Variants in BLVRA observed in about 807,000 individuals in gnomAD.
BLVRA encodes biliverdin reductase A.
Under a neutral mutation model 32.8 loss-of-function variants are expected in BLVRA, and 22 were observed. The ratio of observed to expected loss-of-function variants is 0.67; its 90% confidence interval spans 0.48 to 0.96. BLVRA has a LOEUF of 0.96. BLVRA is among the 40% of genes least tolerant of loss of function. The pLI, the probability that BLVRA is intolerant of heterozygous loss-of-function variation, is 0.00. For synonymous variants in BLVRA, 119 were observed against 141.3 expected (o/e 0.84, Z 1.12); for missense variants, 323 against 358.1 (o/e 0.90, Z 0.79).
intron 1 of BLVRA, among the ~76,000 whole-genome samples, chr7:43,762,116 G>A (rs138320020): frequency 1.7e-4 from 26 of 152,122 alleles, no homozygotes; most frequent in African/African-American, 6.0e-4. Flanking sequence ...GAGGGCGTTT[G>A]AGGAGGAACA....
At chr7:43,803,978 G>C (rs1183722054) in intron 7 of BLVRA, 131 bp downstream of exon 7, 1 of 1,052,300 alleles carries the variant, frequency 9.5e-7, no homozygotes, top group African/African-American at 1.6e-5. Context: ...TGCTTCTGCA[G>C]ATGGAGTGCT....
intron 5 of BLVRA, among the ~76,000 whole-genome samples, chr7:43,797,419 G>A (rs1349629306): frequency 2.0e-5 from 3 of 152,322 alleles, no homozygotes; most frequent in South Asian, 4.1e-4. Context: ...AGGTACGTAC[G>A]TTGTTTTCCT....
At chr7:43,780,882 C>T (rs367658647) in intron 2 of BLVRA, among the ~76,000 whole-genome samples, 1 of 152,272 alleles carries the variant, frequency 6.6e-6, no homozygotes, top group Non-Finnish European at 1.5e-5. Context: ...CGCCGTGGCG[C>T]ATGCCTGTAA....
chr7:43,787,085 G>C lies in BLVRA; in HGVS notation c.13-819G>C, dbSNP rs966460515. Among the ~76,000 whole-genome samples the C allele has an allele frequency of 2.6e-5, 4 of 152,158 alleles. No individual in the cohort carries two copies. Among genetic ancestry groups the C allele is most frequent in the African/African-American group, 4.8e-5 (2 of 41,428 alleles). ...TTACAGGCGCCTGCCAACAGGCCCAGCTAATTTTTGTATTTTTAGTAGAGA... is the reference window on the plus strand; with the variant it reads ...TTACAGGCGCCTGCCAACAGGCCCACCTAATTTTTGTATTTTTAGTAGAGA... On this transcript the variant is annotated intron_variant, in intron 2 of 7. Transcript: ENST00000265523. This position sits in a 1 kb window ranked among gnomAD's most constrained non-coding sequence, Gnocchi z 4.5.
chr7:43,796,121 CA>C (rs371922009), intron 5 of BLVRA, among the ~76,000 whole-genome samples: 2,416 of 66,718 alleles, frequency 0.036, 17 homozygotes, highest in Non-Finnish European at 0.047. Context: ...CTCTGTCTCA[CA>C]AAAAAAAAAA....
At chr7:43,762,864 G>A (rs979154923) in intron 1 of BLVRA, among the ~76,000 whole-genome samples, 1 of 151,938 alleles carries the variant, frequency 6.6e-6, no homozygotes. Context: ...CCCCATGCCC[G>A]CCTCGGCCTC....
intron 1 of BLVRA, among the ~76,000 whole-genome samples, chr7:43,761,995 C>T (rs2095742815): frequency 6.6e-6 from 1 of 152,104 alleles, no homozygotes; most frequent in South Asian, 2.1e-4. Context: ...TACCTTTACC[C>T]TTAGACCTCT....
chr7:43,783,378 T>C (rs1341535468), intron 2 of BLVRA, among the ~76,000 whole-genome samples: 1 of 152,154 alleles, frequency 6.6e-6, no homozygotes, highest in Non-Finnish European at 1.5e-5. Flanking sequence ...CTCCTGTTAC[T>C]ACACAGACTG....
At chr7:43,768,683 A>G (rs1011804492) in intron 1 of BLVRA, among the ~76,000 whole-genome samples, 1 of 152,080 alleles carries the variant, frequency 6.6e-6, no homozygotes, top group South Asian at 2.1e-4. Flanking sequence ...TTATCTGACT[A>G]TCACTCACGT....
chr7:43,797,881 T>G (rs943778677), intron 5 of BLVRA, among the ~76,000 whole-genome samples: 20 of 152,100 alleles, frequency 1.3e-4, no homozygotes, highest in African/African-American at 4.8e-4. Context: ...ATTTGGGGTA[T>G]GCATCTTTCA....
In BLVRA at chr7:43,791,313, G is replaced by T; in HGVS notation, c.199G>T (p.Glu67Ter). The change falls in exon 4 of 8, where the codon GAG becomes TAG. Residue 67 changes from glutamate to a stop codon, truncating the protein, a stop_gained. Transcript: ENST00000265523. LOFTEE classifies it high-confidence loss of function. ...ISLEDALSSQEVEVAYICSES... is the reference protein window; with the variant it reads ...ISLEDALSSQ ...TTTGGAGGATGCTCTTTCCAGCCAA[G>T]AGGTGGAGGTCGCCTATATCTGCAG... 1.9e-6 allele frequency: 3 copies of T among 1,614,240 alleles called. No homozygotes were observed. The highest frequency in any genetic ancestry group is 2.5e-6 in the Non-Finnish European group (3 of 1,180,036).
intron 3 of BLVRA, among the ~76,000 whole-genome samples, chr7:43,788,496 TCA>T (rs1695106879): frequency 6.6e-6 from 1 of 152,172 alleles, no homozygotes; most frequent in Non-Finnish European, 1.5e-5. Flanking sequence ...CTGCCTGAGG[TCA>T]CACAGCTGGA....
At chr7:43,765,044 C>A (rs2095746292) in intron 1 of BLVRA, among the ~76,000 whole-genome samples, 1 of 152,134 alleles carries the variant, frequency 6.6e-6, no homozygotes, top group South Asian at 2.1e-4. Context: ...GGAGTCAAAG[C>A]AAATAAAGGC....
chr7:43,798,978 G>A (rs548767409), intron 5 of BLVRA, among the ~76,000 whole-genome samples: 21 of 152,198 alleles, frequency 1.4e-4, no homozygotes, highest in Admixed American at 1.1e-3. Context: ...AGAGTTTCAC[G>A]GTGGGGTGGG....
At chr7:43,802,757 T>G (rs929946469) in intron 6 of BLVRA, among the ~76,000 whole-genome samples, 1 of 152,150 alleles carries the variant, frequency 6.6e-6, no homozygotes, top group Non-Finnish European at 1.5e-5. Flanking sequence ...AGCCTTGGCC[T>G]CCCGAAGTGC....
chr7:43,766,293 A>G (rs1321188184), intron 1 of BLVRA, among the ~76,000 whole-genome samples: 6 of 151,254 alleles, frequency 4.0e-5, no homozygotes, highest in African/African-American at 9.7e-5. Context: ...TCTCAGGGAA[A>G]AAAAAAAAAA....
rs1186171564 is a variant in BLVRA, at chr7:43,803,952, C to G, written c.632+105C>G. Reference sequence around the variant, plus strand: ...CGAGGGGCTAGACCCTCACTCCCAGCTCCAGAAGGGCTGTCTGCTTCTGCA... The same window carrying G: ...CGAGGGGCTAGACCCTCACTCCCAGGTCCAGAAGGGCTGTCTGCTTCTGCA... On this transcript the variant is annotated intron_variant, in intron 7 of 7. Transcript: ENST00000265523. The G allele has an allele frequency of 7.5e-6, 10 of 1,334,498 alleles. No homozygotes were observed. In the African/African-American group the frequency reaches 1.2e-4, roughly 15 times the overall value. The allele number at this position is 1,334,498 out of a possible 1,614,324, so 82.7% of individuals were successfully genotyped here. A position where few individuals can be genotyped will look rare whatever the true frequency, so the allele number is the denominator to read the frequency against.
chr7:43,773,536 C>T (rs1364533305), intron 2 of BLVRA, among the ~76,000 whole-genome samples: 1 of 152,172 alleles, frequency 6.6e-6, no homozygotes, highest in Non-Finnish European at 1.5e-5. Flanking sequence ...TCCAGTCTAT[C>T]ATTGATGGAC....
At position 43,788,014 on chromosome 7, in the gene BLVRA, C is replaced by G. The variant is rs936342726; in HGVS notation, c.123C>G (p.Gly41=). ...CCTCAGCGTTCCTGAACCTGATTGG[C>G]TTCGTGTCGAGGTGGCTCACAATGT... The part of the protein sequence containing the change: ...HPSSAFLNLI[G]FVSRRELGSI... Residue 41 remains glycine (G), a synonymous_variant, in exon 3 of 8, where the codon GGC becomes GGG. Transcript: ENST00000265523. 7 of 1,614,162 alleles carry G rather than the reference C, an allele frequency of 4.3e-6. No individual in the cohort carries two copies. The highest frequency in any genetic ancestry group is 5.9e-6 in the Non-Finnish European group (7 of 1,180,036).
Sources: gnomAD v4.1 joint callset for allele counts (sites outside exome capture counted in the v4.1 genomes callset) on GRCh38, gnomAD v4.1.1 for gene constraint, Gnocchi (gnomAD v3.1) non-coding constraint, MANE v1.5 for transcripts, NCBI Gene and HGNC (gene_info 2026-07-23, HGNC 2026-07-21) for gene names.